NVL: variants seen among roughly 807,000 people sequenced by gnomAD.
The protein encoded by NVL is nuclear valosin-containing protein-like.
Under a neutral mutation model 110.2 loss-of-function variants are expected in NVL, and 84 were observed. That is an observed-to-expected ratio of 0.76 (90% CI 0.64 to 0.91). NVL has a LOEUF of 0.91. Ranked by LOEUF, NVL falls within the 40% of genes least tolerant of loss-of-function variation. The pLI, the probability that NVL is intolerant of heterozygous loss-of-function variation, is 0.00. For synonymous variants in NVL, 354 were observed against 361.1 expected, an observed-to-expected ratio of 0.98 and a Z score of 0.22; for missense variants, 882 against 1,035.9, an observed-to-expected ratio of 0.85 and a Z score of 2.04.
rs556439733 is a variant in NVL at position 224,248,534 on chromosome 1, T to C, written c.2289+1678A>G. Among the ~76,000 whole-genome samples the C allele has an allele frequency of 5.3e-5, 8 of 152,324 alleles. No homozygotes were observed. The South Asian group carries it at 1.5e-3, about 28-fold the overall frequency. ...TGCTAAAGGCAGTTTTAAGTAACGA[T>C]GGCCCAGTGAGGCAGGATCACAGAA... On this transcript the variant is annotated intron_variant, in intron 19 of 22. Transcript: ENST00000281701.
At chr1:224,271,875 G>A (rs1190770136) in intron 17 of NVL, among the ~76,000 whole-genome samples, 4 of 151,826 alleles carry the variant, frequency 2.6e-5, no homozygotes, top group Non-Finnish European at 5.9e-5. Flanking sequence ...TTAGCCAGGC[G>A]TGGTGGTGTG....
rs184833826 is a variant in NVL, at chr1:224,304,747, T to C, written c.814A>G (p.Met272Val). 4.7e-5 allele frequency: 76 copies of C among 1,613,634 alleles called. No individual in the cohort carries two copies. The African/African-American group carries it at 9.9e-4, about 21-fold the overall frequency. Residue 272 changes from methionine (M) to valine (V), a missense_variant, in exon 8 of 23, where the codon ATG becomes GTG. Coordinates refer to ENST00000281701, the MANE Select transcript of NVL (RefSeq NM_002533.4). ...GAATTTGCACTAACTTTTAATGTCA[T>C]ATCATTGCCTCCCACATCTTCAAAC... ...VKFEDVGGND[M>V]TLKEVCKMLI...
At chr1:224,280,108 T>C (rs1490802842) in intron 16 of NVL, among the ~76,000 whole-genome samples, 1 of 150,886 alleles carries the variant, frequency 6.6e-6, no homozygotes, top group African/African-American at 2.4e-5. Flanking sequence ...GTAAGTTCCA[T>C]GGGAAAGAGA....
chr1:224,281,145 T>C lies in NVL; in HGVS notation c.1940A>G (p.Lys647Arg), dbSNP rs1474985425. 1.2e-6 allele frequency: 2 copies of C among 1,614,002 alleles called. No individual in the cohort carries two copies. The highest frequency in any genetic ancestry group is 1.1e-5 in the South Asian group (1 of 91,068). The part of the protein sequence containing the change: ...NESGLNFISV[K>R]GPELLNMYVG... ...TACCATGTTTAGTAATTCGGGGCCC[T>C]TGACAGATATAAAATTTAGTCCGGA... The change falls in exon 16 of 23, where the codon AAG (lysine) becomes AGG (arginine). Residue 647 changes from lysine (K) to arginine (R), a missense_variant. This residue lies in a region of NVL where 416 missense variants were observed against 499.3 expected (regional missense o/e 0.83). Coordinates refer to ENST00000281701, the MANE Select transcript of NVL (RefSeq NM_002533.4).
chr1:224,315,083 C>T (rs1332013152), intron 4 of NVL, among the ~76,000 whole-genome samples: 1 of 151,076 alleles, frequency 6.6e-6, no homozygotes, highest in Non-Finnish European at 1.5e-5. Flanking sequence ...AGAGACAAGG[C>T]CTCACTCTCT....
intron 1 of NVL, among the ~76,000 whole-genome samples, chr1:224,327,501 A>T (rs555881716): frequency 1.9e-4 from 29 of 152,200 alleles, no homozygotes; most frequent in African/African-American, 5.5e-4. Flanking sequence ...TATTTAAAAT[A>T]TTGTGTAAGA....
chr1:224,284,277 TAAGA>T (rs1666645973), intron 15 of NVL, among the ~76,000 whole-genome samples: 1 of 151,676 alleles, frequency 6.6e-6, no homozygotes, highest in African/African-American at 2.4e-5. Flanking sequence ...GTGATATAAA[TAAGA>T]AAGAAAATCA....
intron 5 of NVL, among the ~76,000 whole-genome samples, chr1:224,311,434 C>T (rs1428894101): frequency 6.6e-6 from 1 of 151,792 alleles, no homozygotes; most frequent in African/African-American, 2.4e-5. Context: ...TCACGGCTCA[C>T]TGCAGCTCAC....
chr1:224,257,845 A>C (rs890664432), intron 18 of NVL, among the ~76,000 whole-genome samples: 1 of 152,116 alleles, frequency 6.6e-6, no homozygotes, highest in Non-Finnish European at 1.5e-5. Context: ...GGGCCCGACA[A>C]GGGATATTGA....
At chr1:224,256,447 A>AAC (rs368264128) in intron 18 of NVL, among the ~76,000 whole-genome samples, 2 of 146,622 alleles carry the variant, frequency 1.4e-5, no homozygotes, top group Admixed American at 1.4e-4. Context: ...AAAAAAAAAA[A>AAC]CCCACAGAAA....
chr1:224,309,200 A>G (rs1669273835), intron 5 of NVL, among the ~76,000 whole-genome samples: 1 of 152,224 alleles, frequency 6.6e-6, no homozygotes. Context: ...CTGGTTGCCA[A>G]TGAGAGTCAC....
At chr1:224,238,275 TGCC>T (rs1439972945) in intron 19 of NVL, among the ~76,000 whole-genome samples, 1 of 152,136 alleles carries the variant, frequency 6.6e-6, no homozygotes, top group Non-Finnish European at 1.5e-5. Flanking sequence ...TCAAGCGATC[TGCC>T]CGCCTTGGCC....
intron 5 of NVL, among the ~76,000 whole-genome samples, chr1:224,311,472 G>T (rs1203970572): frequency 6.6e-6 from 1 of 152,150 alleles, no homozygotes; most frequent in Non-Finnish European, 1.5e-5. Flanking sequence ...GGGCTCAAGT[G>T]ATTCTCCCAC....
intron 19 of NVL, among the ~76,000 whole-genome samples, chr1:224,240,775 A>T (rs1661096369): frequency 6.6e-6 from 1 of 150,552 alleles, no homozygotes; most frequent in East Asian, 1.9e-4. Context: ...AGAAAGTAAC[A>T]AACTGTCCTT....
rs762357901 is a variant in NVL at position 224,250,179 on chromosome 1, CAT to C, written c.2289+31_2289+32del. 13 of 1,597,504 alleles carry C rather than the reference CAT, an allele frequency of 8.1e-6. No homozygotes were observed. The South Asian group carries it at 1.4e-4, about 17-fold the overall frequency. On this transcript the variant is annotated intron_variant, in intron 19 of 22. Transcript: ENST00000281701. ...CTGTCTCTATTTAAAACAAGAGAAACATATACAAAAATATACCATTTCCTTTA... is the reference window on the plus strand; with the variant it reads ...CTGTCTCTATTTAAAACAAGAGAAACATACAAAAATATACCATTTCCTTTA...
chr1:224,253,754 G>GA (rs1269824671), intron 18 of NVL, among the ~76,000 whole-genome samples: 5 of 132,148 alleles, frequency 3.8e-5, no homozygotes, highest in Non-Finnish European at 6.6e-5. Flanking sequence ...AAAAAGAAAA[G>GA]AAAAAAAGAA....
intron 4 of NVL, among the ~76,000 whole-genome samples, chr1:224,315,062 T>C (rs1304457607): frequency 6.6e-6 from 1 of 151,768 alleles, no homozygotes. Context: ...TGTTTCTTTT[T>C]TTTTTTTTTT....
At chr1:224,302,493 G>A (rs916410170) in intron 9 of NVL, among the ~76,000 whole-genome samples, 9 of 152,082 alleles carry the variant, frequency 5.9e-5, no homozygotes, top group Non-Finnish European at 8.8e-5. Context: ...GAGCCACTGC[G>A]CCCGGCGAGC....
At chr1:224,268,730 C>T (rs2102823525) in intron 17 of NVL, among the ~76,000 whole-genome samples, 1 of 152,234 alleles carries the variant, frequency 6.6e-6, no homozygotes. Flanking sequence ...GTGATCTTGG[C>T]TCACTGCAAC....
Sources: gnomAD v4.1 joint callset for allele counts (sites outside exome capture counted in the v4.1 genomes callset) on GRCh38, gnomAD v4.1.1 for gene constraint, gnomAD v4.1.1 regional missense constraint, MANE v1.5 for transcripts, NCBI Gene and HGNC (gene_info 2026-07-23, HGNC 2026-07-21) for gene names.